THSD7B: variants seen among roughly 807,000 people sequenced by gnomAD.
THSD7B encodes the protein thrombospondin type 1 domain containing 7B.
A neutral mutation model predicts 213.6 loss-of-function variants in THSD7B; 138 were observed. The ratio of observed to expected loss-of-function variants is 0.65; its 90% CI spans 0.56 to 0.74. The LOEUF is 0.74. Ranked by LOEUF, THSD7B falls within the 30% of genes least tolerant of loss-of-function variation. The probability of loss-of-function intolerance (pLI) is 0.00; values close to 1 mark genes in which losing one functional copy is unlikely to be tolerated. For missense variants in THSD7B, 1,931 were observed against 1,991.5 expected (o/e 0.97, Z 0.58); for synonymous variants, 742 against 687.0 (o/e 1.08, Z -1.25).
chr2:136,814,824 G>A (rs1325470040), intron 1 of THSD7B, among the ~76,000 whole-genome samples: 4 of 152,150 alleles, frequency 2.6e-5, no homozygotes, highest in Non-Finnish European at 4.4e-5. Context: ...ATAGGGTTTG[G>A]CAAACTATGG....
chr2:136,902,682 G>A (rs1178102138), intron 2 of THSD7B, among the ~76,000 whole-genome samples: 1 of 152,132 alleles, frequency 6.6e-6, no homozygotes, highest in Non-Finnish European at 1.5e-5. Flanking sequence ...AAAAATAGGA[G>A]GTAAAGTCAA....
chr2:136,902,936 C>T (rs1029652473), intron 2 of THSD7B, among the ~76,000 whole-genome samples: 1 of 152,164 alleles, frequency 6.6e-6, no homozygotes, highest in Non-Finnish European at 1.5e-5. Context: ...GTGTTACAAG[C>T]TGGTCCAGCA....
intron 15 of THSD7B, among the ~76,000 whole-genome samples, chr2:137,476,374 A>G (rs1483710704): frequency 6.6e-6 from 1 of 151,864 alleles, no homozygotes; most frequent in East Asian, 1.9e-4. Flanking sequence ...TTGAGGTGTT[A>G]CTCATAAAAT....
chr2:137,445,013 C>T (rs1687506233), intron 14 of THSD7B, among the ~76,000 whole-genome samples: 2 of 151,858 alleles, frequency 1.3e-5, no homozygotes, highest in Admixed American at 1.3e-4. Flanking sequence ...AAAAAATGCT[C>T]ACCACTAATC....
At chr2:136,802,668 T>C (rs1315296095) in intron 1 of THSD7B, among the ~76,000 whole-genome samples, 2 of 127,050 alleles carry the variant, frequency 1.6e-5, no homozygotes, top group African/African-American at 6.4e-5. Flanking sequence ...TATATATATA[T>C]ATATATATAT....
At chr2:137,302,988 C>G (rs1019561848) in intron 12 of THSD7B, among the ~76,000 whole-genome samples, 1 of 152,096 alleles carries the variant, frequency 6.6e-6, no homozygotes, top group African/African-American at 2.4e-5. Context: ...TAGAGACACA[C>G]AGAGGCACTT....
intron 2 of THSD7B, among the ~76,000 whole-genome samples, chr2:136,940,056 G>T (rs1361226055): frequency 5.9e-5 from 9 of 152,104 alleles, no homozygotes; most frequent in Non-Finnish European, 1.3e-4. Context: ...AATAAGTTTG[G>T]TTTTTTATCT....
intron 12 of THSD7B, among the ~76,000 whole-genome samples, chr2:137,339,983 A>C (rs1181389235): frequency 6.6e-6 from 1 of 151,554 alleles, no homozygotes; most frequent in Non-Finnish European, 1.5e-5. Flanking sequence ...TCTGGTGCGA[A>C]GGTCTAATAA....
intron 15 of THSD7B, among the ~76,000 whole-genome samples, chr2:137,546,435 T>TA (rs1558834393): frequency 6.1e-5 from 2 of 32,734 alleles, no homozygotes. Flanking sequence ...TATATATATA[T>TA]TATATATATT....
At chr2:137,414,788 G>A (rs992978392) in intron 14 of THSD7B, among the ~76,000 whole-genome samples, 2 of 152,012 alleles carry the variant, frequency 1.3e-5, no homozygotes, top group African/African-American at 4.8e-5. Context: ...AGGTGCAGTG[G>A]CTCATGCCTG....
intron 15 of THSD7B, among the ~76,000 whole-genome samples, chr2:137,501,582 G>A (rs1679707447): frequency 2.0e-5 from 3 of 152,002 alleles, no homozygotes; most frequent in Admixed American, 1.3e-4. Flanking sequence ...TACCTCTATA[G>A]GTTTCTTCAG....
At chr2:137,284,673 G>A (rs1400071710) in intron 12 of THSD7B, among the ~76,000 whole-genome samples, 2 of 152,140 alleles carry the variant, frequency 1.3e-5, no homozygotes, top group Non-Finnish European at 2.9e-5. Flanking sequence ...TAGTCATTCA[G>A]GAGCAGGTTG....
chr2:136,916,483 C>A (rs1397775327), intron 2 of THSD7B, among the ~76,000 whole-genome samples: 2 of 152,158 alleles, frequency 1.3e-5, no homozygotes. Context: ...AACACAAGTG[C>A]AAGAGCCAAG....
intron 15 of THSD7B, among the ~76,000 whole-genome samples, chr2:137,464,946 G>T (rs918145974): frequency 6.6e-6 from 1 of 151,948 alleles, no homozygotes; most frequent in Admixed American, 6.6e-5. Context: ...ATCTTATGTG[G>T]TCTCTCCTGA....
chr2:136,987,071 A>G (rs1360655355), intron 2 of THSD7B, among the ~76,000 whole-genome samples: 1 of 152,236 alleles, frequency 6.6e-6, no homozygotes, highest in East Asian at 1.9e-4. Context: ...TTTCAGCATT[A>G]CTGAAAGGTA....
intron 12 of THSD7B, among the ~76,000 whole-genome samples, chr2:137,373,421 T>G (rs1199130358): frequency 6.6e-6 from 1 of 152,214 alleles, no homozygotes; most frequent in Non-Finnish European, 1.5e-5. Flanking sequence ...CTCATTGTGG[T>G]TTTGATTTGC....
chr2:137,193,436 A>G (rs1573878091), intron 7 of THSD7B, among the ~76,000 whole-genome samples: 2 of 152,340 alleles, frequency 1.3e-5, no homozygotes, highest in East Asian at 3.8e-4. Flanking sequence ...TGTGGTGAGA[A>G]CATCTGAAAT....
chr2:137,323,280 C>G (rs1684300308), intron 12 of THSD7B, among the ~76,000 whole-genome samples: 1 of 152,154 alleles, frequency 6.6e-6, no homozygotes, highest in Non-Finnish European at 1.5e-5. Context: ...GGTAGCATGA[C>G]AGAGACACCA....
intron 15 of THSD7B, among the ~76,000 whole-genome samples, chr2:137,476,248 A>C (rs1688188901): frequency 6.6e-6 from 1 of 151,932 alleles, no homozygotes. Flanking sequence ...GTTTGCAAAT[A>C]TTTTTTACCA....
Sources: allele counts gnomAD v4.1 joint callset (sites outside exome capture counted in the v4.1 genomes callset), GRCh38; gene constraint gnomAD v4.1.1; transcripts MANE v1.5; gene names NCBI Gene and HGNC (gene_info 2026-07-23, HGNC 2026-07-21).